Variants in PNPLA7 observed in about 807,000 individuals in gnomAD.
PNPLA7 encodes patatin-like phospholipase domain-containing protein 7.
Under a neutral mutation model 161.7 loss-of-function variants are expected in PNPLA7, and 153 were observed. The observed-to-expected ratio is 0.95, with a 90% CI of 0.83 to 1.08. PNPLA7 has a LOEUF of 1.08. Among genes scored for constraint, PNPLA7 ranks in the 50% least tolerant of loss-of-function variants. The pLI is 0.00. For missense variants in PNPLA7, 1,739 were observed against 1,856.6 expected, an observed-to-expected ratio of 0.94 and a Z score of 1.16; for synonymous variants, 809 against 782.1, an observed-to-expected ratio of 1.03 and a Z score of -0.57.
Position 137,479,195 on chromosome 9 carries a change from T to A in PNPLA7, c.2624A>T (p.Gln875Leu). 1.9e-6 allele frequency: 3 copies of A among 1,560,566 alleles called. No individual in the cohort carries two copies. Among genetic ancestry groups the A allele is most frequent in the Non-Finnish European group, 1.7e-6 (2 of 1,153,358 alleles). The change falls in exon 24 of 35, where the codon CAG (glutamine) becomes CTG (leucine). Residue 875 changes from glutamine to leucine, a missense_variant. Physicochemically the swap from Gln to Leu is moderately radical, Grantham distance 113. Coordinates refer to ENST00000406427, the MANE Select transcript of PNPLA7 (RefSeq NM_001098537.3). ...CTCCTCCCTGTGCAGCAGGATCAGC[T>A]GCTTCTGGGCACGCACAGCTGTGCT... Reference protein sequence around the residue: ...LESTAVRAQKQLILLHREEGP... With the variant: ...LESTAVRAQKLLILLHREEGP...
intron 8 of PNPLA7, among the ~76,000 whole-genome samples, chr9:137,527,007 G>T (rs1390955916): frequency 6.6e-6 from 1 of 152,130 alleles, no homozygotes. Context: ...GGTGGCTCAT[G>T]CCTGTGGTCC....
At chr9:137,464,658 C>T in intron 26 of PNPLA7, 1 of 593,904 alleles carries the variant, frequency 1.7e-6, no homozygotes, top group South Asian at 1.9e-5. Flanking sequence ...GGCCTGAAAG[C>T]CAGGACACAG....
intron 12 of PNPLA7, among the ~76,000 whole-genome samples, chr9:137,512,269 C>A (rs1834277929): frequency 6.6e-6 from 1 of 152,254 alleles, no homozygotes; most frequent in African/African-American, 2.4e-5. Flanking sequence ...TAAACATTCA[C>A]ACGGCGAAGC....
intron 8 of PNPLA7, among the ~76,000 whole-genome samples, chr9:137,539,555 G>A (rs1429618396): frequency 6.6e-6 from 1 of 152,074 alleles, no homozygotes; most frequent in Non-Finnish European, 1.5e-5. Context: ...GTGCACGCCT[G>A]CTACTTGGGA....
intron 14 of PNPLA7, among the ~76,000 whole-genome samples, chr9:137,504,302 C>A (rs891887871): frequency 1.3e-5 from 2 of 152,106 alleles, no homozygotes; most frequent in Admixed American, 1.3e-4. Flanking sequence ...ACATCCGTCT[C>A]CCAGGTTCAA....
chr9:137,543,998 A>G lies in PNPLA7; in HGVS notation c.274-183T>C, dbSNP rs926761638. On this transcript the variant is annotated intron_variant, in intron 4 of 34. Transcript: ENST00000406427. The surrounding 1 kb of genome is among the most constrained non-coding windows in gnomAD (Gnocchi z 6.9). ...CCTGTGAGGGAATGTTGGCAGCGAT[A>G]CAGCCCCACACATCCTTGGGATCGT... is the stretch of plus-strand genomic sequence containing the variant. 5.9e-5 allele frequency among the ~76,000 whole-genome samples: 9 copies of G among 152,104 alleles called. No individual in the cohort carries two copies. The highest frequency in any genetic ancestry group is 6.5e-5 in the Admixed American group (1 of 15,276).
intron 12 of PNPLA7, among the ~76,000 whole-genome samples, 176 bp from the exon 13 acceptor site, chr9:137,506,259 C>A (rs1371006815): frequency 6.6e-6 from 1 of 152,220 alleles, no homozygotes; most frequent in Non-Finnish European, 1.5e-5. Flanking sequence ...GCCTCAATGG[C>A]TCTGTGACCC....
intron 18 of PNPLA7, among the ~76,000 whole-genome samples, chr9:137,496,744 C>T (rs1172330126): frequency 6.6e-6 from 1 of 152,084 alleles, no homozygotes; most frequent in East Asian, 1.9e-4. Context: ...AAAACAAAAA[C>T]ACAAATCGGC....
At position 137,499,031 on chromosome 9, in the gene PNPLA7, C is replaced by T. The variant is rs763370104; in HGVS notation, c.1758-786G>A. Among the ~76,000 whole-genome samples the T allele has an allele frequency of 1.3e-5, 2 of 151,986 alleles. No homozygotes were observed. The highest frequency in any genetic ancestry group is 1.5e-5 in the Non-Finnish European group (1 of 67,962). ...GAGGGCGTGAAGGGCGTGAGCGTGG[C>T]ACTTAGAGCCCTGGGGGTGGAGGAG... On this transcript the variant is annotated intron_variant, in intron 16 of 34. Transcript: ENST00000406427. The surrounding 1 kb of genome is among the most constrained non-coding windows in gnomAD (Gnocchi z 5.5).
In PNPLA7 at chr9:137,524,339, C is replaced by T. The variant is rs546301833; in HGVS notation, c.748-1482G>A. ...GCAGGGTCTCCGTCCATTCAGCAGT[C>T]GAGATTCCCCCACGGTGGCGCGTCT... On this transcript the variant is annotated intron_variant, in intron 8 of 34. Coordinates refer to ENST00000406427, the MANE Select transcript of PNPLA7 (RefSeq NM_001098537.3). The surrounding 1 kb of genome is among the most constrained non-coding windows in gnomAD (Gnocchi z 4.4). Among the ~76,000 whole-genome samples, 3 of 152,196 alleles carry T rather than the reference C, an allele frequency of 2.0e-5. No individual in the cohort carries two copies. The highest frequency in any genetic ancestry group is 4.1e-4 in the South Asian group (2 of 4,820).
At chr9:137,528,627 ACATCGACTTTGTCTGATACTAATATAGC>A (rs555878626) in intron 8 of PNPLA7, among the ~76,000 whole-genome samples, 3 of 151,114 alleles carry the variant, frequency 2.0e-5, no homozygotes, top group East Asian at 4.0e-4. Flanking sequence ...ATCTCATCTG[ACATCGACTTTGTCTGATACTAATATAGC>A]CACTCCAGTT....
chr9:137,522,045 T>C (rs976190849), intron 9 of PNPLA7, among the ~76,000 whole-genome samples: 1 of 152,212 alleles, frequency 6.6e-6, no homozygotes, highest in Non-Finnish European at 1.5e-5. Flanking sequence ...CTCTTTGAGA[T>C]TGTGAACATT....
At chr9:137,531,005 A>C (rs983159604) in intron 8 of PNPLA7, among the ~76,000 whole-genome samples, 45 of 152,328 alleles carry the variant, frequency 3.0e-4, no homozygotes, top group African/African-American at 1.1e-3. Flanking sequence ...CTCTTGGCAC[A>C]TGCTAATCGA....
intron 4 of PNPLA7, among the ~76,000 whole-genome samples, chr9:137,545,195 G>A (rs911005787): frequency 9.2e-5 from 14 of 152,084 alleles, no homozygotes; most frequent in East Asian, 1.9e-4. Context: ...TGTGAAACTC[G>A]GATCCCTGAG....
intron 12 of PNPLA7, among the ~76,000 whole-genome samples, chr9:137,506,879 CTG>C (rs1833951529): frequency 6.6e-6 from 1 of 152,270 alleles, no homozygotes; most frequent in African/African-American, 2.4e-5. Flanking sequence ...AGCGAGTCAT[CTG>C]CACTGCGGTT....
chr9:137,539,034 A>G (rs1334542564), intron 8 of PNPLA7, among the ~76,000 whole-genome samples: 1 of 152,192 alleles, frequency 6.6e-6, no homozygotes, highest in Non-Finnish European at 1.5e-5. Flanking sequence ...CCTGGGCAAC[A>G]GAGCAAGACC....
chr9:137,462,384 A>C, intron 30 of PNPLA7, 53 bp from the exon 31 acceptor site: 1 of 1,544,182 alleles, frequency 6.5e-7, no homozygotes, highest in Non-Finnish European at 8.7e-7. Context: ...ACCCCGTCCC[A>C]GCCTGGCCCG....
Position 137,541,809 on chromosome 9 carries a change from T to C in PNPLA7, c.666+833A>G, listed in dbSNP as rs1268470445. On this transcript the variant is annotated intron_variant, in intron 7 of 34. Coordinates refer to ENST00000406427, the MANE Select transcript of PNPLA7 (RefSeq NM_001098537.3). The surrounding 1 kb of genome is among the most constrained non-coding windows in gnomAD (Gnocchi z 4.4). The stretch of plus-strand genomic sequence containing the variant: ...GAATTTTTTTTTTTTTGAGACAGGG[T>C]CTCGCTCTGTCGCCCAGGCTGGAGT... 1.3e-5 allele frequency among the ~76,000 whole-genome samples: 2 copies of C among 151,660 alleles called. No individual in the cohort carries two copies. Among genetic ancestry groups the C allele is most frequent in the Admixed American group, 6.6e-5 (1 of 15,222 alleles).
chr9:137,490,567 G>T lies in PNPLA7; in HGVS notation c.2197+2446C>A, dbSNP rs1419402065. 2.0e-5 allele frequency among the ~76,000 whole-genome samples: 3 copies of T among 152,290 alleles called. No homozygotes were observed. Among genetic ancestry groups the T allele is most frequent in the Non-Finnish European group, 4.4e-5 (3 of 68,032 alleles). Reference sequence around the variant, plus strand: ...AACCAGAATTATACATCCAGCAAAAGCACCCTTCAGCATGAGGGTGACATG... The same window carrying T: ...AACCAGAATTATACATCCAGCAAAATCACCCTTCAGCATGAGGGTGACATG... On this transcript the variant is annotated intron_variant, in intron 20 of 34. Transcript: ENST00000406427. The surrounding 1 kb of genome is among the most constrained non-coding windows in gnomAD (Gnocchi z 4.1).
Sources: gnomAD v4.1 joint callset for allele counts (sites outside exome capture counted in the v4.1 genomes callset) on GRCh38, gnomAD v4.1.1 for gene constraint, Gnocchi (gnomAD v3.1) non-coding constraint, MANE v1.5 for transcripts, NCBI Gene and HGNC (gene_info 2026-07-23, HGNC 2026-07-21) for gene names.